ATR: variants seen among roughly 807,000 people sequenced by gnomAD.
ATR encodes serine/threonine-protein kinase ATR.
A neutral mutation model predicts 305.3 loss-of-function variants in ATR; 142 were observed. The ratio of observed to expected loss-of-function variants is 0.47; its 90% CI spans 0.41 to 0.53. The LOEUF (loss-of-function observed/expected upper bound fraction) is 0.53, where lower values mean the gene tolerates loss of function less well. Ranked by LOEUF, ATR falls within the 20% of genes least tolerant of loss-of-function variation. The pLI is 0.00. For synonymous variants in ATR, 1,050 were observed against 1,068.1 expected (o/e 0.98, Z 0.33); for missense variants, 2,135 against 3,133.1 (o/e 0.68, Z 7.60).
At chr3:142,457,466 A>G in intron 45 of ATR, 138 bp downstream of exon 45, 6 of 1,002,852 alleles carry the variant, frequency 6.0e-6, no homozygotes, top group Admixed American at 2.7e-5. Context: ...TATATAAATT[A>G]TATCTGCATA....
At position 142,459,348 on chromosome 3, in the gene ATR, T is replaced by C. The variant is rs2108261913; in HGVS notation, c.7228A>G (p.Met2410Val). 3 of 1,613,940 alleles carry C rather than the reference T, an allele frequency of 1.9e-6. No individual in the cohort carries two copies. The highest frequency in any genetic ancestry group is 1.7e-6 in the Non-Finnish European group (2 of 1,179,854). The change falls in exon 43 of 47, where the codon ATG (methionine) becomes GTG (valine). Residue 2410 changes from methionine to valine, a missense_variant. By Grantham distance (21) the Met-to-Val change is conservative. This residue lies in a region of ATR where 462 missense variants were observed against 887.6 expected (regional missense o/e 0.52). Transcript: ENST00000350721. Reference sequence around the variant, plus strand: ...GATAAAGCTGCTGACTTTGGTAGCATACACTGGCGAAGTTCTTTTCCTGTC... The same window carrying C: ...GATAAAGCTGCTGACTTTGGTAGCACACACTGGCGAAGTTCTTTTCCTGTC... ...YMTGKELRQCMLPKSAALSEK... is the reference protein window; with the variant it reads ...YMTGKELRQCVLPKSAALSEK...
intron 1 of ATR, among the ~76,000 whole-genome samples, chr3:142,576,006 T>C (rs1041125693): frequency 6.6e-6 from 1 of 152,210 alleles, no homozygotes; most frequent in African/African-American, 2.4e-5. Context: ...GAAAAATCAC[T>C]TTACTGAGTG....
intron 30 of ATR, among the ~76,000 whole-genome samples, chr3:142,500,747 A>T: frequency 6.6e-6 from 1 of 152,204 alleles, no homozygotes; most frequent in East Asian, 1.9e-4. Flanking sequence ...AACAGTTTAG[A>T]ATAAGGCTAA....
rs751848091 is a variant in ATR at position 142,547,812 on chromosome 3, A to G, written c.3270T>C (p.Val1090=). The G allele has an allele frequency of 5.0e-6, 8 of 1,613,904 alleles. No individual in the cohort carries two copies. The highest frequency in any genetic ancestry group is 5.1e-6 in the Non-Finnish European group (6 of 1,179,962). Residue 1090 remains valine (V), a synonymous_variant, in exon 16 of 47, where the codon GTT becomes GTC. Coordinates refer to ENST00000350721, the MANE Select transcript of ATR (RefSeq NM_001184.4). Reference sequence around the variant, plus strand: ...AGGCAAGTATTGACAAACCATTAAAAACCTGTTGATAGTGTTCTCCAATAC... The same window carrying G: ...AGGCAAGTATTGACAAACCATTAAAGACCTGTTGATAGTGTTCTCCAATAC... ...LLRIGEHYQQ[V]FNGLSILASF...
At chr3:142,559,533 T>C in intron 6 of ATR, 92 bp from the exon 7 acceptor site, 1 of 1,248,066 alleles carries the variant, frequency 8.0e-7, no homozygotes. Context: ...AAAGAAATTG[T>C]GAGTACGAAA....
chr3:142,458,032 A>T (rs1235333282), intron 44 of ATR, among the ~76,000 whole-genome samples: 4 of 152,198 alleles, frequency 2.6e-5, no homozygotes, highest in Non-Finnish European at 5.9e-5. Flanking sequence ...TATTACAGAG[A>T]AATTTTATGC....
chr3:142,493,978 G>C (rs1330466974), intron 34 of ATR, among the ~76,000 whole-genome samples: 1 of 149,256 alleles, frequency 6.7e-6, no homozygotes, highest in Non-Finnish European at 1.5e-5. Flanking sequence ...AGGCATCAGT[G>C]AGCTATGATC....
chr3:142,512,633 G>C (rs986658043), intron 26 of ATR, among the ~76,000 whole-genome samples, 163 bp from the exon 27 acceptor site: 4 of 152,168 alleles, frequency 2.6e-5, no homozygotes, highest in African/African-American at 9.7e-5. Flanking sequence ...GGCTGAGGCA[G>C]CCCAATTGCC....
At chr3:142,566,291 C>G (rs1158644318) in intron 2 of ATR, 30 bp from the exon 3 acceptor site, 14 of 1,608,986 alleles carry the variant, frequency 8.7e-6, no homozygotes, top group Non-Finnish European at 1.2e-5. Context: ...TTTAAAGAGT[C>G]ATGACAAATT....
At chr3:142,558,061 G>A (rs1254032955) in intron 8 of ATR, among the ~76,000 whole-genome samples, 5 of 152,174 alleles carry the variant, frequency 3.3e-5, no homozygotes, top group Non-Finnish European at 7.3e-5. Flanking sequence ...AGGACACATT[G>A]CAAATGTTTT....
intron 41 of ATR, 47 bp downstream of exon 41, chr3:142,465,050 T>A (rs1003977029): frequency 2.6e-5 from 33 of 1,253,594 alleles, no homozygotes; most frequent in Non-Finnish European, 3.4e-5. Context: ...AAAATTTTTT[T>A]AAAATAAAAA....
At chr3:142,452,953 A>G in intron 46 of ATR, 175 bp downstream of exon 46, 1 of 1,473,662 alleles carries the variant, frequency 6.8e-7, no homozygotes, top group Non-Finnish European at 9.0e-7. Flanking sequence ...ATTACTGACA[A>G]TAAAGAAAAC....
intron 31 of ATR, chr3:142,499,276 T>G (rs2108343373): frequency 3.2e-6 from 1 of 309,830 alleles, no homozygotes; most frequent in East Asian, 8.4e-5. Flanking sequence ...GTCTGAATAT[T>G]TATGTCATAT....
intron 40 of ATR, chr3:142,465,875 A>G (rs549197270): frequency 2.7e-4 from 48 of 176,614 alleles, no homozygotes; most frequent in African/African-American, 1.0e-3. Flanking sequence ...GCATGGTGAC[A>G]TGCACCTGTA....
At chr3:142,463,349 A>G (rs906202140) in intron 41 of ATR, among the ~76,000 whole-genome samples, 1 of 152,202 alleles carries the variant, frequency 6.6e-6, no homozygotes, top group East Asian at 1.9e-4. Flanking sequence ...AGAACATACT[A>G]ATGGTTCAGT....
Position 142,553,395 on chromosome 3 carries a change from G to A in ATR, c.2637C>T (p.Ala879=), listed in dbSNP as rs150512706. ...CAAATGGTACCAAATCTCCTTTTGC[G>A]GCCCTAAAATTAAAAACAACATACA... ...LILTTGDIGR[A]AKGDLVPFAL... Residue 879 remains alanine (A), a synonymous_variant, in exon 13 of 47, where the codon GCC becomes GCT. Coordinates refer to ENST00000350721, the MANE Select transcript of ATR (RefSeq NM_001184.4). The A allele has an allele frequency of 1.8e-4, 292 of 1,612,902 alleles. 2 individuals carry two copies. The African/African-American group carries it at 3.5e-3, about 19-fold the overall frequency.
intron 33 of ATR, 82 bp from the exon 34 acceptor site, chr3:142,496,602 G>A: frequency 6.8e-7 from 1 of 1,466,684 alleles, no homozygotes; most frequent in Non-Finnish European, 9.4e-7. Context: ...TTTAAATCTA[G>A]GTCATAAACT....
intron 34 of ATR, among the ~76,000 whole-genome samples, chr3:142,495,647 G>C (rs1215899247): frequency 6.6e-6 from 1 of 152,132 alleles, no homozygotes; most frequent in African/African-American, 2.4e-5. Flanking sequence ...AGGAGGCTGA[G>C]GCAGGAGAAT....
chr3:142,524,406 T>C (rs937881862), intron 21 of ATR, among the ~76,000 whole-genome samples: 7 of 152,216 alleles, frequency 4.6e-5, no homozygotes, highest in African/African-American at 1.4e-4. Context: ...AATCATTAAA[T>C]GTCTGAAAGT....
Sources: allele counts gnomAD v4.1 joint callset (sites outside exome capture counted in the v4.1 genomes callset), GRCh38; gene constraint gnomAD v4.1.1; regional missense constraint gnomAD v4.1.1; transcripts MANE v1.5; gene names NCBI Gene and HGNC (gene_info 2026-07-23, HGNC 2026-07-21).